CCSER1: variants seen among roughly 807,000 people sequenced by gnomAD.
CCSER1 encodes the protein serine-rich coiled-coil domain-containing protein 1.
A neutral mutation model predicts 82.0 loss-of-function variants in CCSER1; 41 were observed. The ratio of observed to expected loss-of-function variants is 0.50; its 90% CI spans 0.39 to 0.65. The LOEUF (loss-of-function observed/expected upper bound fraction) is 0.65. Ranked by LOEUF, CCSER1 falls within the 30% of genes least tolerant of loss-of-function variation. CCSER1 has a pLI of 0.00. For missense variants in CCSER1, 1,119 were observed against 1,064.2 expected (o/e 1.05, Z -0.72); for synonymous variants, 414 against 383.9 (o/e 1.08, Z -0.92).
At chr4:90,461,053 A>ATTT (rs397880822) in intron 4 of CCSER1, among the ~76,000 whole-genome samples, 1 of 49,712 alleles carries the variant, frequency 2.0e-5, no homozygotes, top group Non-Finnish European at 3.1e-5. Flanking sequence ...TGCCCAGGCT[A>ATTT]TTTTTTTTTT....
intron 1 of CCSER1, among the ~76,000 whole-genome samples, chr4:90,232,367 T>G (rs1054609961): frequency 6.6e-6 from 1 of 151,886 alleles, no homozygotes; most frequent in Non-Finnish European, 1.5e-5. Context: ...AAACAAGCAA[T>G]GGGGAAAGGA....
intron 10 of CCSER1, among the ~76,000 whole-genome samples, chr4:91,174,539 C>T (rs1406923492): frequency 6.6e-6 from 1 of 151,692 alleles, no homozygotes; most frequent in Non-Finnish European, 1.5e-5. Context: ...TGCTTTGCTG[C>T]ACCCATCAAC....
rs187207325 is a variant in CCSER1 at position 90,468,293 on chromosome 4, A to T, written c.1663A>T (p.Met555Leu). Residue 555 changes from methionine (M) to leucine (L), a missense_variant, in exon 5 of 11, where the codon ATG becomes TTG. By Grantham distance (15) the Met-to-Leu change is conservative. Coordinates refer to ENST00000509176, the MANE Select transcript of CCSER1 (RefSeq NM_001145065.2). ...VSCAAVVLTP[M>L]EPMIEMKKRE... ...ATGTGCCGCAGTAGTTCTTACTCCT[A>T]TGGAACCAATGATAGAAATGAAGAA... The T allele has an allele frequency of 1.2e-6, 2 of 1,609,282 alleles. No individual in the cohort carries two copies. Among genetic ancestry groups the T allele is most frequent in the South Asian group, 2.2e-5 (2 of 90,300 alleles).
chr4:91,192,504 G>C lies in CCSER1; in HGVS notation c.2217+106510G>C, dbSNP rs1735087729. 2.6e-5 allele frequency among the ~76,000 whole-genome samples: 4 copies of C among 152,100 alleles called. 1 individual carries two copies. In the South Asian group the frequency reaches 8.3e-4, roughly 32 times the overall value. ...ACCTAGGAAATTATCTATTTTACTTGATGTTATGTTCTCATTTACTGAGAG... is the reference window on the plus strand; with the variant it reads ...ACCTAGGAAATTATCTATTTTACTTCATGTTATGTTCTCATTTACTGAGAG... On this transcript the variant is annotated intron_variant, in intron 10 of 10. Transcript: ENST00000509176.
intron 1 of CCSER1, among the ~76,000 whole-genome samples, chr4:90,227,482 A>G (rs1743399931): frequency 6.6e-6 from 1 of 152,234 alleles, no homozygotes; most frequent in Non-Finnish European, 1.5e-5. Context: ...ATAGCACAAA[A>G]GGTGGATATA....
chr4:90,381,939 G>T (rs1454312574), intron 3 of CCSER1, among the ~76,000 whole-genome samples: 2 of 151,806 alleles, frequency 1.3e-5, no homozygotes, highest in Non-Finnish European at 1.5e-5. Context: ...GTATCTGTGG[G>T]TTTTTAGTAC....
chr4:91,437,137 G>A (rs913916910), intron 10 of CCSER1, among the ~76,000 whole-genome samples: 6 of 152,170 alleles, frequency 3.9e-5, no homozygotes, highest in Admixed American at 2.6e-4. Context: ...GACTTTCAGA[G>A]AGAAAGGAAA....
chr4:90,315,732 G>A (rs1429309759), intron 3 of CCSER1, among the ~76,000 whole-genome samples: 1 of 152,140 alleles, frequency 6.6e-6, no homozygotes, highest in Non-Finnish European at 1.5e-5. Flanking sequence ...TTGAACACCT[G>A]ACCTCAGGTG....
chr4:90,917,312 A>T (rs980027626), intron 8 of CCSER1, among the ~76,000 whole-genome samples: 6 of 152,224 alleles, frequency 3.9e-5, no homozygotes, highest in Admixed American at 3.9e-4. Flanking sequence ...TGGCACATAT[A>T]CACCATGGAA....
chr4:91,370,711 G>C (rs1749978366), intron 10 of CCSER1, among the ~76,000 whole-genome samples: 1 of 151,298 alleles, frequency 6.6e-6, no homozygotes, highest in Non-Finnish European at 1.5e-5. Context: ...AAAAAAAATT[G>C]TTTTATTTTG....
At chr4:90,957,562 T>TATATTATATATA (rs1733626227) in intron 9 of CCSER1, among the ~76,000 whole-genome samples, 1 of 133,176 alleles carries the variant, frequency 7.5e-6, no homozygotes, top group East Asian at 2.0e-4. Context: ...TTATATATAT[T>TATATTATATATA]ATATAATTAT....
At chr4:90,768,537 G>T (rs919419764) in intron 7 of CCSER1, among the ~76,000 whole-genome samples, 1 of 152,282 alleles carries the variant, frequency 6.6e-6, no homozygotes, top group East Asian at 1.9e-4. Context: ...GGTAACTTTG[G>T]ATCTGGTCAG....
intron 10 of CCSER1, among the ~76,000 whole-genome samples, chr4:91,457,741 T>TA: frequency 6.6e-6 from 1 of 152,284 alleles, no homozygotes; most frequent in African/African-American, 2.4e-5. Context: ...ATGTTAATTT[T>TA]AAAATAATCA....
intron 10 of CCSER1, among the ~76,000 whole-genome samples, chr4:91,484,131 TA>T (rs1252488449): frequency 2.0e-5 from 3 of 152,090 alleles, no homozygotes; most frequent in Non-Finnish European, 2.9e-5. Context: ...CCAGCTGTTT[TA>T]AATTTTTTTT....
chr4:90,372,714 C>T (rs1747649297), intron 3 of CCSER1, among the ~76,000 whole-genome samples: 1 of 151,780 alleles, frequency 6.6e-6, no homozygotes, highest in Non-Finnish European at 1.5e-5. Flanking sequence ...TGTGCCACTG[C>T]ACTCCAGCCT....
intron 5 of CCSER1, among the ~76,000 whole-genome samples, chr4:90,612,242 G>A (rs1180835927): frequency 1.3e-5 from 2 of 152,024 alleles, no homozygotes; most frequent in African/African-American, 4.8e-5. Context: ...GAAACTATTG[G>A]GAACATTGGT....
intron 9 of CCSER1, among the ~76,000 whole-genome samples, chr4:90,984,926 G>A (rs977878677): frequency 6.6e-6 from 1 of 151,608 alleles, no homozygotes; most frequent in East Asian, 1.9e-4. Context: ...TCCACTGTCT[G>A]ACTTATTTCC....
intron 10 of CCSER1, among the ~76,000 whole-genome samples, chr4:91,322,661 A>C (rs1281256882): frequency 1.3e-5 from 2 of 152,228 alleles, no homozygotes; most frequent in African/African-American, 4.8e-5. Context: ...TGAACATTTA[A>C]AAGTTTCTGC....
intron 10 of CCSER1, among the ~76,000 whole-genome samples, chr4:91,245,822 G>C (rs996418460): frequency 1.3e-5 from 2 of 152,042 alleles, no homozygotes; most frequent in Non-Finnish European, 2.9e-5. Flanking sequence ...TCAGCCTCCT[G>C]AGTAGCTGGG....
Sources: gnomAD v4.1 joint callset for allele counts (sites outside exome capture counted in the v4.1 genomes callset) on GRCh38, gnomAD v4.1.1 for gene constraint, MANE v1.5 for transcripts, NCBI Gene and HGNC (gene_info 2026-07-23, HGNC 2026-07-21) for gene names.